CTIF: variants seen among roughly 807,000 people sequenced by gnomAD.
The protein encoded by CTIF is CBP80/20-dependent translation initiation factor.
Under a neutral mutation model 66.0 loss-of-function variants are expected in CTIF, and 21 were observed. The observed-to-expected ratio is 0.32, with a 90% CI of 0.23 to 0.46. The LOEUF (loss-of-function observed/expected upper bound fraction) is 0.46. CTIF is among the 20% of genes least tolerant of loss of function. The pLI is 1.00. For missense variants in CTIF, 739 were observed against 812.7 expected, an observed-to-expected ratio of 0.91 and a Z score of 1.10; for synonymous variants, 345 against 326.4, an observed-to-expected ratio of 1.06 and a Z score of -0.62.
chr18:48,676,095 G>GGT (rs2091624287), intron 6 of CTIF, among the ~76,000 whole-genome samples: 8 of 151,978 alleles, frequency 5.3e-5, no homozygotes, highest in South Asian at 2.1e-4. Context: ...GTGTGAAGTC[G>GGT]GCGCGACCAG....
intron 3 of CTIF, among the ~76,000 whole-genome samples, chr18:48,658,031 G>T (rs2091273114): frequency 6.6e-6 from 1 of 152,190 alleles, no homozygotes; most frequent in South Asian, 2.1e-4. Context: ...GTCTGCCTGT[G>T]AGGGGTCTGC....
At chr18:48,728,733 G>GGAGAGT (rs2092409229) in intron 7 of CTIF, among the ~76,000 whole-genome samples, 2 of 134,208 alleles carry the variant, frequency 1.5e-5, no homozygotes, top group Non-Finnish European at 1.5e-5. Flanking sequence ...GGAGGGAGGG[G>GGAGAGT]GAGAGTGAGA....
chr18:48,695,912 C>T (rs376671567), intron 6 of CTIF, among the ~76,000 whole-genome samples: 5 of 152,220 alleles, frequency 3.3e-5, no homozygotes, highest in African/African-American at 7.2e-5. Flanking sequence ...CTGTCTCCTC[C>T]GCATGTGACT....
intron 9 of CTIF, among the ~76,000 whole-genome samples, chr18:48,781,192 C>T (rs1911175580): frequency 6.6e-6 from 1 of 152,226 alleles, no homozygotes; most frequent in South Asian, 2.1e-4. Flanking sequence ...GGCTCCGGCC[C>T]CAGCGCCAGC....
At chr18:48,852,474 T>C (rs776937749) in intron 10 of CTIF, among the ~76,000 whole-genome samples, 19 of 152,092 alleles carry the variant, frequency 1.2e-4, no homozygotes, top group Non-Finnish European at 2.2e-4. Context: ...CCTCCAACTT[T>C]TTCTAGAACC....
intron 1 of CTIF, among the ~76,000 whole-genome samples, chr18:48,558,511 T>C (rs1264590087): frequency 6.6e-6 from 1 of 152,236 alleles, no homozygotes; most frequent in Admixed American, 6.5e-5. Context: ...CCTCTTTTCA[T>C]GTAACAAATA....
At chr18:48,551,454 C>A (rs73956909) in intron 1 of CTIF, among the ~76,000 whole-genome samples, 1,878 of 152,258 alleles carry the variant, frequency 0.012, 42 homozygotes, top group African/African-American at 0.042. Context: ...TGAGATCATA[C>A]ATTTCTGTTG....
chr18:48,581,553 A>G (rs2089656840), intron 1 of CTIF, among the ~76,000 whole-genome samples: 1 of 152,110 alleles, frequency 6.6e-6, no homozygotes, highest in Non-Finnish European at 1.5e-5. Context: ...GAGAGAGAGG[A>G]AGAGCCACTT....
intron 1 of CTIF, among the ~76,000 whole-genome samples, chr18:48,543,149 G>A (rs1334897426): frequency 1.3e-5 from 2 of 152,170 alleles, no homozygotes; most frequent in African/African-American, 4.8e-5. Flanking sequence ...GGGCTCCATT[G>A]CCCTTGTTTT....
intron 3 of CTIF, among the ~76,000 whole-genome samples, chr18:48,645,904 T>C (rs1308203987): frequency 6.6e-6 from 1 of 152,180 alleles, no homozygotes; most frequent in Non-Finnish European, 1.5e-5. Context: ...CCTGCCCTTT[T>C]CCCCTGCCAG....
Position 48,693,643 on chromosome 18 carries a change from G to T in CTIF, c.508-17976G>T, listed in dbSNP as rs890867859. Among the ~76,000 whole-genome samples, 5 of 152,306 alleles carry T rather than the reference G, an allele frequency of 3.3e-5. No homozygotes were observed. The South Asian group carries it at 8.3e-4, about 25-fold the overall frequency. ...ATCCAAGGCAGAAAACCAGCACCCA[G>T]TAGAGAGAAGGGCCCAGAGAGGGAA... is the stretch of plus-strand genomic sequence containing the variant. On this transcript the variant is annotated intron_variant, in intron 6 of 11. Coordinates refer to ENST00000256413, the MANE Select transcript of CTIF (RefSeq NM_014772.3).
At position 48,552,614 on chromosome 18, in the gene CTIF, T is replaced by TA. The variant is rs1304081226; in HGVS notation, c.-29+13302_-29+13303insA. On this transcript the variant is annotated intron_variant, in intron 1 of 11. Coordinates refer to ENST00000256413, the MANE Select transcript of CTIF (RefSeq NM_014772.3). Reference sequence around the variant, plus strand: ...AGGGCACTAACCTCATTCATGAGGCTCTGCCCTCATGACCTAATTGCCTCC... The same window carrying TA: ...AGGGCACTAACCTCATTCATGAGGCTACTGCCCTCATGACCTAATTGCCTCC... Among the ~76,000 whole-genome samples the TA allele has an allele frequency of 2.6e-5, 4 of 152,184 alleles. No homozygotes were observed. In the South Asian group the frequency reaches 6.2e-4, roughly 24 times the overall value.
Position 48,852,233 on chromosome 18 carries a change from T to TAAAAAAAAAAA in CTIF, c.1528-5336_1528-5326dup, listed in dbSNP as rs10591389. ...TGGGGGACAGAGTGAGACCCTGTCT[T>TAAAAAAAAAAA]AAAAAAAAAAAAAAAAAAAAAAAAA... On this transcript the variant is annotated intron_variant, in intron 10 of 11. Transcript: ENST00000256413. Among the ~76,000 whole-genome samples the TAAAAAAAAAAA allele has an allele frequency of 2.9e-4, 19 of 66,580 alleles. 1 individual carries two copies. The highest frequency in any genetic ancestry group is 4.3e-4 in the Non-Finnish European group (15 of 35,180). The allele number at this position is 66,580 out of a possible 152,430, so 43.7% of individuals were successfully genotyped here.
intron 3 of CTIF, among the ~76,000 whole-genome samples, chr18:48,652,462 T>A (rs2091173779): frequency 6.6e-6 from 1 of 152,084 alleles, no homozygotes; most frequent in Non-Finnish European, 1.5e-5. Flanking sequence ...AATAGACCAA[T>A]AACAGGCTCT....
At chr18:48,591,929 T>C (rs2089894359) in intron 1 of CTIF, among the ~76,000 whole-genome samples, 1 of 152,142 alleles carries the variant, frequency 6.6e-6, no homozygotes, top group South Asian at 2.1e-4. Context: ...AAAATTCTTT[T>C]TTTGTAGAGA....
chr18:48,674,521 G>T (rs2091593552), intron 6 of CTIF, among the ~76,000 whole-genome samples: 1 of 152,232 alleles, frequency 6.6e-6, no homozygotes, highest in Non-Finnish European at 1.5e-5. Flanking sequence ...TGCCTCCACT[G>T]GGGGTCAGAT....
At chr18:48,555,481 A>G (rs568703946) in intron 1 of CTIF, among the ~76,000 whole-genome samples, 1 of 152,278 alleles carries the variant, frequency 6.6e-6, no homozygotes, top group South Asian at 2.1e-4. Context: ...GCCCAAAGTG[A>G]CTGTGATGGG....
intron 1 of CTIF, among the ~76,000 whole-genome samples, chr18:48,544,962 A>C (rs1475406427): frequency 2.0e-5 from 3 of 152,208 alleles, no homozygotes; most frequent in Non-Finnish European, 2.9e-5. Flanking sequence ...GTCTAGGTAG[A>C]GAGAAGCCCA....
chr18:48,606,653 G>T (rs1568068303), intron 1 of CTIF, among the ~76,000 whole-genome samples: 1 of 152,158 alleles, frequency 6.6e-6, no homozygotes, highest in African/African-American at 2.4e-5. Flanking sequence ...GGGACGACAG[G>T]GTCTAGCAGC....
Sources: gnomAD v4.1 joint callset for allele counts (sites outside exome capture counted in the v4.1 genomes callset) on GRCh38, gnomAD v4.1.1 for gene constraint, MANE v1.5 for transcripts, NCBI Gene and HGNC (gene_info 2026-07-23, HGNC 2026-07-21) for gene names.